The following SOX5 variants were observed in gnomAD, a reference collection of about 807,000 sequenced individuals.
SOX5 encodes transcription factor SOX-5.
In SOX5, 9 loss-of-function variants were observed where a neutral mutation model predicts 92.0. That is an observed-to-expected ratio of 0.10 (90% CI 0.06 to 0.17). SOX5 has a LOEUF of 0.17. SOX5 is among the 10% of genes least tolerant of loss of function. SOX5 has a pLI of 1.00. For missense variants in SOX5, 642 were observed against 944.5 expected (o/e 0.68, Z 4.20); for synonymous variants, 344 against 336.3 (o/e 1.02, Z -0.25).
In SOX5 at chr12:23,587,761, C is replaced by T. The variant is rs113581985; in HGVS notation, c.1165-11923G>A. On this transcript the variant is annotated intron_variant, in intron 9 of 14. Coordinates refer to ENST00000451604, the MANE Select transcript of SOX5 (RefSeq NM_006940.6). ...TTTATATAGACCTATTTGCCTTCAA[C>T]TTAATACACATGTCAATTTATATAC... 3.7e-4 allele frequency among the ~76,000 whole-genome samples: 57 copies of T among 152,234 alleles called. 1 individual carries two copies. The highest frequency in any genetic ancestry group is 1.3e-3 in the African/African-American group (53 of 41,550).
intron 4 of SOX5, among the ~76,000 whole-genome samples, chr12:24,167,209 T>C (rs1366639278): frequency 6.6e-6 from 1 of 152,160 alleles, no homozygotes. Flanking sequence ...AGTTGTATGA[T>C]TTTTTACAAG....
chr12:24,516,236 C>T (rs1464901945), intron 1 of SOX5, among the ~76,000 whole-genome samples: 1 of 151,736 alleles, frequency 6.6e-6, no homozygotes, highest in African/African-American at 2.4e-5. Context: ...TTTGTAGAGA[C>T]CAGGTCTCAC....
At chr12:24,098,366 T>C (rs759154765) in intron 4 of SOX5, among the ~76,000 whole-genome samples, 55 of 152,268 alleles carry the variant, frequency 3.6e-4, no homozygotes, top group South Asian at 1.4e-3. Context: ...GCAGAGGCAA[T>C]AGTGCTTTGG....
At chr12:24,246,984 T>C (rs1004032740) in intron 3 of SOX5, among the ~76,000 whole-genome samples, 1 of 152,170 alleles carries the variant, frequency 6.6e-6, no homozygotes, top group African/African-American at 2.4e-5. Flanking sequence ...GATGACGGCA[T>C]GTAAAAATCA....
chr12:23,738,858 C>G (rs900771987), intron 5 of SOX5, among the ~76,000 whole-genome samples: 1 of 152,066 alleles, frequency 6.6e-6, no homozygotes, highest in Non-Finnish European at 1.5e-5. Context: ...CTGTTACAGG[C>G]AAGCATTCTG....
intron 3 of SOX5, among the ~76,000 whole-genome samples, chr12:24,250,123 C>T (rs1939736709): frequency 6.6e-6 from 1 of 152,076 alleles, no homozygotes; most frequent in Admixed American, 6.5e-5. Flanking sequence ...CTGCGTATTC[C>T]CAAAATCACC....
intron 3 of SOX5, among the ~76,000 whole-genome samples, chr12:24,276,114 T>C (rs1206197792): frequency 6.6e-6 from 1 of 152,092 alleles, no homozygotes; most frequent in Non-Finnish European, 1.5e-5. Flanking sequence ...ATATTGGTAT[T>C]TTTGCCTGTA....
At chr12:23,542,847 A>G (rs1942377062) in intron 13 of SOX5, among the ~76,000 whole-genome samples, 1 of 152,224 alleles carries the variant, frequency 6.6e-6, no homozygotes, top group South Asian at 2.1e-4. Flanking sequence ...TAAGATTAAC[A>G]GTAAGTTGTC....
rs144774133 is a variant in SOX5, at chr12:24,504,796, T to C, written c.-251+57533A>G. On this transcript the variant is annotated intron_variant, in intron 1 of 4. Coordinates refer to the SOX5 transcript ENST00000446891. ...GTTCACATCTGTCTTGATGAGTGGA[T>C]TAAGGACCTAGCACACTGATCCTAA... Among the ~76,000 whole-genome samples the C allele has an allele frequency of 2.4e-3, 358 of 152,320 alleles. 4 individuals are homozygous for C. Among genetic ancestry groups the C allele is most frequent in the Admixed American group, 0.017 (266 of 15,304 alleles).
intron 4 of SOX5, among the ~76,000 whole-genome samples, chr12:23,984,082 C>A (rs375198235): frequency 2.7e-4 from 41 of 152,102 alleles, no homozygotes; most frequent in East Asian, 9.6e-4. Flanking sequence ...CTCAATACTT[C>A]ATTCCTCTGT....
intron 3 of SOX5, among the ~76,000 whole-genome samples, chr12:24,222,425 T>C (rs1350907322): frequency 6.6e-6 from 1 of 151,556 alleles, no homozygotes; most frequent in Admixed American, 6.6e-5. Context: ...TGGACAGGGG[T>C]ATGAGTGAAA....
chr12:24,070,681 G>A (rs571620454), intron 4 of SOX5, among the ~76,000 whole-genome samples: 1 of 152,142 alleles, frequency 6.6e-6, no homozygotes, highest in East Asian at 1.9e-4. Context: ...TTATAAAAAT[G>A]TAATATGGTA....
At chr12:23,616,380 C>G (rs2076555791) in intron 8 of SOX5, among the ~76,000 whole-genome samples, 1 of 152,180 alleles carries the variant, frequency 6.6e-6, no homozygotes, top group Non-Finnish European at 1.5e-5. Flanking sequence ...AGTTCTATCA[C>G]AGACCATGGG....
At chr12:23,656,206 A>C (rs777031844) in intron 7 of SOX5, among the ~76,000 whole-genome samples, 1 of 151,726 alleles carries the variant, frequency 6.6e-6, no homozygotes. Flanking sequence ...TTTCTGATAG[A>C]ATTCATTAAA....
rs138530680 is a variant in SOX5 at position 24,158,551 on chromosome 12, C to T, written c.-2+54792G>A. On this transcript the variant is annotated intron_variant, in intron 4 of 4. Coordinates refer to the SOX5 transcript ENST00000446891. The stretch of plus-strand genomic sequence containing the variant: ...AAACGTAGCTTTGAGGTATGGGTAA[C>T]AGTTTAATAAGACTGCTTTTTAGAC... Among the ~76,000 whole-genome samples, 275 of 152,094 alleles carry T rather than the reference C, an allele frequency of 1.8e-3. 2 individuals are homozygous for T. Among genetic ancestry groups the T allele is most frequent in the African/African-American group, 6.3e-3 (262 of 41,552 alleles).
At position 24,412,089 on chromosome 12, in the gene SOX5, T is replaced by C. The variant is rs564033426; in HGVS notation, c.-250-43450A>G. 4.6e-5 allele frequency among the ~76,000 whole-genome samples: 7 copies of C among 152,276 alleles called. No homozygotes were observed. In the South Asian group the frequency reaches 1.5e-3, roughly 32 times the overall value. The stretch of plus-strand genomic sequence containing the variant: ...TTTGTAGTAGTCCCATATTATCCTT[T>C]TGGTGTCTGCAGAGTCTGCAGTGAT... On this transcript the variant is annotated intron_variant, in intron 1 of 4. Transcript: ENST00000446891.
intron 9 of SOX5, among the ~76,000 whole-genome samples, chr12:23,587,090 A>G (rs996132678): frequency 9.2e-5 from 14 of 151,962 alleles, no homozygotes; most frequent in Non-Finnish European, 1.6e-4. Flanking sequence ...GAATAAGTTA[A>G]ACATTACAAA....
At chr12:23,738,167 A>T (rs189258885) in intron 5 of SOX5, among the ~76,000 whole-genome samples, 4 of 152,302 alleles carry the variant, frequency 2.6e-5, no homozygotes, top group African/African-American at 9.6e-5. Flanking sequence ...AATCTGGGGG[A>T]AAGGCTCATC....
At chr12:24,438,652 T>G (rs1345505751) in intron 1 of SOX5, among the ~76,000 whole-genome samples, 1 of 152,130 alleles carries the variant, frequency 6.6e-6, no homozygotes, top group African/African-American at 2.4e-5. Context: ...ATGGATGACT[T>G]TGGCCATGGT....
Sources: allele counts gnomAD v4.1 joint callset (sites outside exome capture counted in the v4.1 genomes callset), GRCh38; gene constraint gnomAD v4.1.1; transcripts MANE v1.5; gene names NCBI Gene and HGNC (gene_info 2026-07-23, HGNC 2026-07-21).